Variants in CSMD1 observed in about 807,000 individuals in gnomAD.
CSMD1 encodes the protein CUB and Sushi multiple domains 1.
CSMD1 carries 213 observed loss-of-function variants against 417.5 expected under a neutral mutation model. The ratio of observed to expected loss-of-function variants is 0.51; its 90% CI spans 0.46 to 0.57. CSMD1 has a LOEUF of 0.57. CSMD1 is among the 20% of genes least tolerant of loss of function. CSMD1 has a pLI of 0.00. For synonymous variants in CSMD1, 2,862 were observed against 1,736.8 expected, an observed-to-expected ratio of 1.65 and a Z score of -16.11; for missense variants, 6,923 against 4,529.7, an observed-to-expected ratio of 1.53 and a Z score of -15.17.
chr8:2,960,957 TATATATATAC>T (rs919306202), intron 62 of CSMD1, among the ~76,000 whole-genome samples, 174 bp downstream of exon 62: 23 of 131,574 alleles, frequency 1.7e-4, no homozygotes, highest in African/African-American at 7.4e-4. Flanking sequence ...TATATATATA[TATATATATAC>T]ATATATTGAT....
At chr8:4,177,440 G>A (rs1474072647) in intron 3 of CSMD1, among the ~76,000 whole-genome samples, 1 of 151,898 alleles carries the variant, frequency 6.6e-6, no homozygotes, top group Admixed American at 6.6e-5. Flanking sequence ...AGTGTGTAGA[G>A]GGAAACTTAT....
At chr8:4,271,951 T>C (rs1804625982) in intron 3 of CSMD1, among the ~76,000 whole-genome samples, 1 of 152,154 alleles carries the variant, frequency 6.6e-6, no homozygotes, top group Non-Finnish European at 1.5e-5. Flanking sequence ...ACAGATCTCA[T>C]GTATGGGCAA....
rs1270457860 is a variant in CSMD1 at position 4,756,789 on chromosome 8, A to G, written c.86-119231T>C. ...GAGTCATCTTGGGCATTTTAGGTCT[A>G]TATTTTCTATGTCTGCTGGATAATA... On this transcript the variant is annotated intron_variant, in intron 1 of 69. Transcript: ENST00000635120. Among the ~76,000 whole-genome samples, 2 of 152,196 alleles carry G rather than the reference A, an allele frequency of 1.3e-5. 1 individual carries two copies.
intron 5 of CSMD1, among the ~76,000 whole-genome samples, chr8:3,881,956 C>G (rs1404743854): frequency 6.6e-6 from 1 of 152,110 alleles, no homozygotes; most frequent in Non-Finnish European, 1.5e-5. Flanking sequence ...CAGATCTGAA[C>G]TTGAAAGATG....
In CSMD1 at chr8:4,158,831, T is replaced by C. The variant is rs564629644; in HGVS notation, c.416-126732A>G. Among the ~76,000 whole-genome samples the C allele has an allele frequency of 2.6e-5, 4 of 152,318 alleles. No homozygotes were observed. In the East Asian group the frequency reaches 7.7e-4, roughly 29 times the overall value. On this transcript the variant is annotated intron_variant, in intron 3 of 69. Transcript: ENST00000635120. ...TCATATGGGATGATGTAGAATCCAA[T>C]AATAGGAAGTCAGTTTTCAGAATCT...
At chr8:3,443,962 C>G (rs1191223695) in intron 12 of CSMD1, among the ~76,000 whole-genome samples, 2 of 152,114 alleles carry the variant, frequency 1.3e-5, no homozygotes, top group Non-Finnish European at 2.9e-5. Flanking sequence ...AGCGGGGACA[C>G]TGGGTGAGGA....
At chr8:3,180,821 T>C (rs1326249695) in intron 37 of CSMD1, among the ~76,000 whole-genome samples, 1 of 151,926 alleles carries the variant, frequency 6.6e-6, no homozygotes, top group Non-Finnish European at 1.5e-5. Flanking sequence ...ATTATTATTT[T>C]TTAGTAGAGA....
At chr8:3,879,645 C>A (rs968491150) in intron 5 of CSMD1, among the ~76,000 whole-genome samples, 4 of 152,150 alleles carry the variant, frequency 2.6e-5, no homozygotes, top group Non-Finnish European at 5.9e-5. Flanking sequence ...GCACAAACAT[C>A]TTTTTCTGTG....
intron 3 of CSMD1, among the ~76,000 whole-genome samples, chr8:4,236,618 C>T (rs1028023994): frequency 1.3e-5 from 2 of 152,134 alleles, no homozygotes; most frequent in Non-Finnish European, 2.9e-5. Flanking sequence ...CTAAACCTAC[C>T]TCTTAAAAGA....
chr8:4,451,624 A>G (rs1799149825), intron 2 of CSMD1, among the ~76,000 whole-genome samples: 1 of 152,200 alleles, frequency 6.6e-6, no homozygotes, highest in African/African-American at 2.4e-5. Context: ...TCAAGAAGGA[A>G]TCTACTAGAA....
At chr8:4,779,414 T>A (rs1307090997) in intron 1 of CSMD1, among the ~76,000 whole-genome samples, 2 of 152,184 alleles carry the variant, frequency 1.3e-5, no homozygotes, top group Non-Finnish European at 2.9e-5. Context: ...ACCAGCAACA[T>A]TACCCCTGTG....
chr8:4,709,300 G>A (rs1037713966), intron 1 of CSMD1, among the ~76,000 whole-genome samples: 1 of 152,192 alleles, frequency 6.6e-6, no homozygotes, highest in Non-Finnish European at 1.5e-5. Context: ...AGAAGGAGGT[G>A]CTGAACTATG....
intron 16 of CSMD1, among the ~76,000 whole-genome samples, chr8:3,398,882 C>A (rs1287470054): frequency 6.6e-6 from 1 of 152,084 alleles, no homozygotes; most frequent in Non-Finnish European, 1.5e-5. Context: ...ATAGCTAAGC[C>A]AAGCAACATT....
At position 4,707,886 on chromosome 8, in the gene CSMD1, CAAAAAAAAAAAAAAAAAAAAAAAAAA is replaced by C. The variant is rs552510236; in HGVS notation, c.86-70354_86-70329del. Among the ~76,000 whole-genome samples the C allele has an allele frequency of 3.9e-3, 389 of 100,842 alleles. 5 individuals are homozygous for C. The highest frequency in any genetic ancestry group is 0.013 in the African/African-American group (372 of 27,672). The allele number at this position is 100,842 out of a possible 152,430, so 66.2% of individuals were successfully genotyped here. Reference sequence around the variant, plus strand: ...TGGGGACAAGAGCAAGACTTTGTTTCAAAAAAAAAAAAAAAAAAAAAAAAAAAAAAAAAAAAAAAAAAAGAGGGGAA... The same window carrying C: ...TGGGGACAAGAGCAAGACTTTGTTTCAAAAAAAAAAAAAAAAAGAGGGGAA... On this transcript the variant is annotated intron_variant, in intron 1 of 69. Coordinates refer to ENST00000635120, the MANE Select transcript of CSMD1 (RefSeq NM_033225.6).
intron 3 of CSMD1, among the ~76,000 whole-genome samples, chr8:4,296,837 A>G (rs1246689068): frequency 4.6e-5 from 7 of 151,198 alleles, no homozygotes; most frequent in Non-Finnish European, 1.0e-4. Flanking sequence ...ATATCTGTGG[A>G]GGGCCTGCTA....
At chr8:4,613,291 G>A (rs539177690) in intron 2 of CSMD1, among the ~76,000 whole-genome samples, 25 of 152,134 alleles carry the variant, frequency 1.6e-4, no homozygotes, top group Admixed American at 1.2e-3. Context: ...TCCATGCTCC[G>A]AGTGCCCATT....
chr8:3,133,163 G>A (rs936140257), intron 41 of CSMD1, among the ~76,000 whole-genome samples: 4 of 152,130 alleles, frequency 2.6e-5, no homozygotes, highest in Admixed American at 1.3e-4. Context: ...AGCGACCTGG[G>A]GGAGGCCGAC....
intron 49 of CSMD1, among the ~76,000 whole-genome samples, chr8:3,085,172 T>A (rs1814433635): frequency 2.0e-5 from 3 of 152,166 alleles, no homozygotes; most frequent in Admixed American, 2.0e-4. Context: ...TTTTTATGAT[T>A]ATGAAGTCCC....
intron 2 of CSMD1, among the ~76,000 whole-genome samples, chr8:4,422,958 AC>A (rs1042075211): frequency 5.2e-4 from 79 of 152,086 alleles, no homozygotes; most frequent in African/African-American, 1.7e-3. Flanking sequence ...GTAGAAAAAA[AC>A]ATTTGACAAT....
Sources: gnomAD v4.1 joint callset for allele counts (sites outside exome capture counted in the v4.1 genomes callset) on GRCh38, gnomAD v4.1.1 for gene constraint, MANE v1.5 for transcripts, NCBI Gene and HGNC (gene_info 2026-07-23, HGNC 2026-07-21) for gene names.